GPBP1L1: variants seen among roughly 807,000 people sequenced by gnomAD.
GPBP1L1 encodes GC-rich promoter binding protein 1 like 1.
A neutral mutation model predicts 52.5 loss-of-function variants in GPBP1L1; 23 were observed. The ratio of observed to expected loss-of-function variants is 0.44; its 90% CI spans 0.32 to 0.62. GPBP1L1 has a LOEUF of 0.62. Ranked by LOEUF, GPBP1L1 falls within the 20% of genes least tolerant of loss-of-function variation. The pLI is 0.06. For missense variants in GPBP1L1, 596 were observed against 579.3 expected, an observed-to-expected ratio of 1.03 and a Z score of -0.30; for synonymous variants, 243 against 203.1, an observed-to-expected ratio of 1.20 and a Z score of -1.67.
intron 2 of GPBP1L1, among the ~76,000 whole-genome samples, chr1:45,662,773 C>T (rs866650770): frequency 6.6e-6 from 1 of 151,956 alleles, no homozygotes; most frequent in Admixed American, 6.6e-5. Flanking sequence ...AATATTAGGC[C>T]GGGTGCGGTG....
chr1:45,642,559 C>G (rs1452799980), intron 6 of GPBP1L1, 60 bp from the exon 7 acceptor site: 1 of 1,246,222 alleles, frequency 8.0e-7, no homozygotes, highest in Non-Finnish European at 1.2e-6. Context: ...GCACTTTTCA[C>G]AAAGTAGCCA....
chr1:45,627,485 C>G lies in GPBP1L1; in HGVS notation c.*771G>C, dbSNP rs560594113. 1 of 152,672 alleles carries G rather than the reference C, an allele frequency of 6.5e-6. No individual in the cohort carries two copies. Among genetic ancestry groups the G allele is most frequent in the South Asian group, 2.1e-4 (1 of 4,824 alleles). The allele number at this position is 152,672 out of a possible 1,614,324, so 9.5% of individuals were successfully genotyped here. A position where few individuals can be genotyped will look rare whatever the true frequency, so the allele number is the denominator to read the frequency against. On this transcript the variant is annotated 3_prime_UTR_variant, in exon 13 of 13. Transcript: ENST00000355105. Reference sequence around the variant, plus strand: ...AAGAAAATATACTTCTTACACAAGACAATCCAAACTGATGCAAAATATTTA... The same window carrying G: ...AAGAAAATATACTTCTTACACAAGAGAATCCAAACTGATGCAAAATATTTA...
At chr1:45,659,469 A>T (rs1181045158) in intron 3 of GPBP1L1, among the ~76,000 whole-genome samples, 1 of 151,960 alleles carries the variant, frequency 6.6e-6, no homozygotes, top group African/African-American at 2.4e-5. Context: ...AAGTGTTGGG[A>T]TTACAGGTGT....
intron 2 of GPBP1L1, among the ~76,000 whole-genome samples, chr1:45,680,543 C>T (rs1380015915): frequency 6.6e-6 from 1 of 151,962 alleles, no homozygotes; most frequent in Non-Finnish European, 1.5e-5. Context: ...CCAGCTGAGA[C>T]ATACTTTTTT....
chr1:45,668,224 G>C (rs1327895149), intron 2 of GPBP1L1, among the ~76,000 whole-genome samples: 1 of 152,182 alleles, frequency 6.6e-6, no homozygotes, highest in African/African-American at 2.4e-5. Context: ...TAAGTTTGCA[G>C]AGAAATGGTT....
chr1:45,676,087 A>G (rs1645135647), intron 2 of GPBP1L1, among the ~76,000 whole-genome samples: 1 of 152,196 alleles, frequency 6.6e-6, no homozygotes, highest in Non-Finnish European at 1.5e-5. Flanking sequence ...GGAGAACTCA[A>G]GGGTTATTAG....
rs752590277 is a variant in GPBP1L1 at position 45,629,620 on chromosome 1, G to T, written c.1228C>A (p.Leu410Ile). The T allele has an allele frequency of 3.7e-6, 6 of 1,613,558 alleles. No homozygotes were observed. In the Admixed American group the frequency reaches 5.0e-5, roughly 13 times the overall value. ...YPENDENCLP[L>I]TEDELKEFHM... The stretch of plus-strand genomic sequence containing the variant: ...AACTCTTTGAGCTCATCCTCTGTGA[G>T]GGGAAGGCAATTCTCATCATTTTCA... Residue 410 changes from leucine to isoleucine, a missense_variant, in exon 12 of 13, where the codon CTC becomes ATC. Leu to Ile is a conservative substitution (Grantham distance 5). Transcript: ENST00000355105.
intron 2 of GPBP1L1, among the ~76,000 whole-genome samples, chr1:45,662,093 T>C (rs1383917117): frequency 2.0e-5 from 3 of 152,172 alleles, no homozygotes; most frequent in Non-Finnish European, 4.4e-5. Context: ...AGGCACGGAG[T>C]GAAACAAAAA....
Position 45,660,237 on chromosome 1 carries a change from T to C in GPBP1L1, c.-109A>G. The stretch of plus-strand genomic sequence containing the variant: ...TCTGAACTCGAGTCGGCCAGCTGGA[T>C]CTCCCACAAGGTTTCCTTGTTAAAA... On this transcript the variant is annotated 5_prime_UTR_variant, in exon 3 of 13. Transcript: ENST00000355105. 2.0e-6 allele frequency: 2 copies of C among 985,304 alleles called. No individual in the cohort carries two copies. The highest frequency in any genetic ancestry group is 2.4e-6 in the Non-Finnish European group (2 of 829,906). 61.0% of individuals were successfully genotyped at this position (985,304 alleles called of 1,614,324 possible). A position where few individuals can be genotyped will look rare whatever the true frequency, so the allele number is the denominator to read the frequency against.
rs373659413 is a variant in GPBP1L1, at chr1:45,655,175, T to C, written c.190+15A>G. 8 of 1,613,876 alleles carry C rather than the reference T, an allele frequency of 5.0e-6. No homozygotes were observed. Among genetic ancestry groups the C allele is most frequent in the African/African-American group, 1.3e-5 (1 of 74,896 alleles). Reference sequence around the variant, plus strand: ...AGTAGCTTAAATATAGTCATGAAAGTTGGACATGGCTCACCTCCTGCAGTT... The same window carrying C: ...AGTAGCTTAAATATAGTCATGAAAGCTGGACATGGCTCACCTCCTGCAGTT... On this transcript the variant is annotated intron_variant, in intron 5 of 12. Coordinates refer to ENST00000355105, the MANE Select transcript of GPBP1L1 (RefSeq NM_021639.5).
intron 10 of GPBP1L1, among the ~76,000 whole-genome samples, chr1:45,632,443 T>C (rs1644542332): frequency 6.6e-6 from 1 of 152,168 alleles, no homozygotes; most frequent in Non-Finnish European, 1.5e-5. Context: ...TGGCCACATG[T>C]GGTGGCTTAT....
At chr1:45,646,806 C>T (rs540296258) in intron 6 of GPBP1L1, among the ~76,000 whole-genome samples, 4 of 152,132 alleles carry the variant, frequency 2.6e-5, no homozygotes, top group Admixed American at 6.5e-5. Flanking sequence ...ATCTGCCCCC[C>T]TCGGCCTCCC....
chr1:45,638,662 G>A (rs1202377344), intron 8 of GPBP1L1, among the ~76,000 whole-genome samples: 1 of 152,176 alleles, frequency 6.6e-6, no homozygotes, highest in African/African-American at 2.4e-5. Flanking sequence ...TTCAGAGGGT[G>A]AGCACGGTGG....
At chr1:45,632,008 G>T (rs898645039) in intron 10 of GPBP1L1, among the ~76,000 whole-genome samples, 3 of 151,926 alleles carry the variant, frequency 2.0e-5, no homozygotes, top group Non-Finnish European at 4.4e-5. Context: ...ATTACCTGAG[G>T]TCTGGAATCC....
intron 2 of GPBP1L1, among the ~76,000 whole-genome samples, chr1:45,672,652 T>C (rs2148505924): frequency 6.6e-6 from 1 of 152,170 alleles, no homozygotes; most frequent in East Asian, 1.9e-4. Flanking sequence ...TTTATTTAAA[T>C]CCATGGACCC....
chr1:45,658,708 T>C, intron 4 of GPBP1L1: 1 of 309,200 alleles, frequency 3.2e-6, no homozygotes, highest in Non-Finnish European at 5.9e-6. Flanking sequence ...GGTAGGCGGA[T>C]CACTTGAGCT....
chr1:45,682,477 G>C (rs1343169695), intron 2 of GPBP1L1, among the ~76,000 whole-genome samples: 2 of 152,152 alleles, frequency 1.3e-5, no homozygotes, highest in Non-Finnish European at 2.9e-5. Flanking sequence ...TCTTAGAAAA[G>C]GAAGGTGAAC....
At chr1:45,677,341 GA>G (rs35311976) in intron 2 of GPBP1L1, among the ~76,000 whole-genome samples, 3,582 of 117,516 alleles carry the variant, frequency 0.03, 118 homozygotes, top group African/African-American at 0.098. Context: ...TTCGTCTCAG[GA>G]AAAAAAAAAA....
intron 8 of GPBP1L1, chr1:45,635,860 C>G (rs980465284): frequency 6.6e-6 from 1 of 152,124 alleles, no homozygotes; most frequent in Non-Finnish European, 1.5e-5. Context: ...AAGGAATGTC[C>G]TCCTCCCTTT....
Sources: allele counts gnomAD v4.1 joint callset (sites outside exome capture counted in the v4.1 genomes callset), GRCh38; gene constraint gnomAD v4.1.1; transcripts MANE v1.5; gene names NCBI Gene and HGNC (gene_info 2026-07-23, HGNC 2026-07-21).